CDC5L: variants seen among roughly 807,000 people sequenced by gnomAD.
CDC5L encodes the protein cell division cycle 5 like, also known as cell division cycle 5-like protein.
A neutral mutation model predicts 104.1 loss-of-function variants in CDC5L; 18 were observed. The ratio of observed to expected loss-of-function variants is 0.17; its 90% confidence interval spans 0.12 to 0.26. CDC5L has a LOEUF of 0.26. Ranked by LOEUF, CDC5L falls within the 10% of genes least tolerant of loss-of-function variation. CDC5L has a pLI of 1.00. For synonymous variants in CDC5L, 331 were observed against 322.7 expected, an observed-to-expected ratio of 1.03 and a Z score of -0.28; for missense variants, 673 against 956.9, an observed-to-expected ratio of 0.70 and a Z score of 3.91.
chr6:44,392,600 C>T, intron 2 of CDC5L, 67 bp from the exon 3 acceptor site: 1 of 1,367,364 alleles, frequency 7.3e-7, no homozygotes, highest in Non-Finnish European at 1.0e-6. Flanking sequence ...GTCAGTGTAT[C>T]CATTGTGCAA....
chr6:44,409,650 G>C (rs1316891541), intron 8 of CDC5L, among the ~76,000 whole-genome samples: 24 of 152,148 alleles, frequency 1.6e-4, no homozygotes. Context: ...GACTACGCTG[G>C]CTGTGTCTGT....
chr6:44,433,874 A>G (rs1202605909), intron 14 of CDC5L, among the ~76,000 whole-genome samples: 1 of 152,154 alleles, frequency 6.6e-6, no homozygotes, highest in Admixed American at 6.6e-5. Context: ...ACAGGAAAAA[A>G]TTTCCTTAAT....
At chr6:44,406,940 A>C (rs76913726) in intron 7 of CDC5L, among the ~76,000 whole-genome samples, 3,646 of 152,212 alleles carry the variant, frequency 0.024, 65 homozygotes, top group Middle Eastern at 0.037. Flanking sequence ...ACAAAAAAAA[A>C]CAAAAAAAAC....
chr6:44,446,750 C>A lies in CDC5L; in HGVS notation c.*39C>A. On this transcript the variant is annotated 3_prime_UTR_variant, in exon 16 of 16. Coordinates refer to ENST00000371477, the MANE Select transcript of CDC5L (RefSeq NM_001253.4). Reference sequence around the variant, plus strand: ...TTCTGTCACAGGATTAATTAATTGCCGGTTTTCATACTCTAGAAGGCTGAA... The same window carrying A: ...TTCTGTCACAGGATTAATTAATTGCAGGTTTTCATACTCTAGAAGGCTGAA... 1.0e-6 allele frequency: 1 copy of A among 998,976 alleles called. No homozygotes were observed. The highest frequency in any genetic ancestry group is 1.5e-6 in the Non-Finnish European group (1 of 653,778). The allele number at this position is 998,976 out of a possible 1,614,324, so 61.9% of individuals were successfully genotyped here. A position where few individuals can be genotyped will look rare whatever the true frequency, so the allele number is the denominator to read the frequency against.
intron 1 of CDC5L, among the ~76,000 whole-genome samples, chr6:44,388,604 A>C (rs1376988603): frequency 1.3e-5 from 2 of 151,044 alleles, no homozygotes; most frequent in African/African-American, 4.9e-5. Flanking sequence ...AGTGTACCGA[A>C]TTTATCAGTT....
At chr6:44,388,038 A>G (rs1203812600) in intron 1 of CDC5L, among the ~76,000 whole-genome samples, 170 bp downstream of exon 1, 3 of 151,968 alleles carry the variant, frequency 2.0e-5, no homozygotes, top group Non-Finnish European at 4.4e-5. Context: ...GTGTTGTGCG[A>G]GCGCCAGTAG....
intron 4 of CDC5L, among the ~76,000 whole-genome samples, chr6:44,395,231 TGTATTACATATTTCAAA>T (rs1790816884): frequency 6.6e-6 from 1 of 152,248 alleles, no homozygotes; most frequent in South Asian, 2.1e-4. Flanking sequence ...TTAGCAACAG[TGTATTACATATTTCAAA>T]GTAGCTGGAA....
At chr6:44,426,398 CTG>C (rs1792424479) in intron 12 of CDC5L, 82 bp from the exon 13 acceptor site, 9 of 880,702 alleles carry the variant, frequency 1.0e-5, no homozygotes, top group Non-Finnish European at 1.6e-5. Context: ...TGTAAAACCG[CTG>C]TTTAATTCAT....
In CDC5L at chr6:44,406,353, C is replaced by A; in HGVS notation, c.789C>A (p.Asp263Glu). 6.2e-7 allele frequency: 1 copy of A among 1,607,050 alleles called. No homozygotes were observed. Among genetic ancestry groups the A allele is most frequent in the Non-Finnish European group, 8.5e-7 (1 of 1,175,068 alleles). Residue 263 changes from aspartate (D) to glutamate (E), a missense_variant, in exon 7 of 16, where the codon GAC becomes GAA. Physicochemically the swap from Asp to Glu is conservative, Grantham distance 45 (BLOSUM62 2). This residue lies in a region of CDC5L where 578 missense variants were observed against 737.0 expected (regional missense o/e 0.78). Coordinates refer to ENST00000371477, the MANE Select transcript of CDC5L (RefSeq NM_001253.4). ...AAGAAGGAAGAGATAGAAAAAAAGA[C>A]AAACAGCATTTGAAAAGGAAAAAAG... ...SEKEGRDRKK[D>E]KQHLKRKKES...
At chr6:44,441,099 A>G (rs560254760) in intron 14 of CDC5L, among the ~76,000 whole-genome samples, 84 of 152,322 alleles carry the variant, frequency 5.5e-4, no homozygotes, top group Non-Finnish European at 1.0e-3. Context: ...TCTTCCGTCT[A>G]ACTGAAACTT....
intron 14 of CDC5L, among the ~76,000 whole-genome samples, chr6:44,437,874 G>A (rs895199607): frequency 6.6e-6 from 1 of 152,238 alleles, no homozygotes; most frequent in African/African-American, 2.4e-5. Flanking sequence ...ATTCTTTGCT[G>A]TTAAGGTTTT....
At position 44,398,278 on chromosome 6, in the gene CDC5L, G is replaced by C. The variant is rs192054123; in HGVS notation, c.539+1838G>C. Among the ~76,000 whole-genome samples, 618 of 152,206 alleles carry C rather than the reference G, an allele frequency of 4.1e-3. 2 individuals carry two copies. Among genetic ancestry groups the C allele is most frequent in the Non-Finnish European group, 7.3e-3 (497 of 67,994 alleles). ...CTTCAGAGTTAAGTACTGTGAGTAA[G>C]GTTGAAAAAAAATCACTTTTCCATT... On this transcript the variant is annotated intron_variant, in intron 5 of 15. Transcript: ENST00000371477.
intron 14 of CDC5L, among the ~76,000 whole-genome samples, chr6:44,436,223 C>G (rs972687577): frequency 6.6e-6 from 1 of 152,130 alleles, no homozygotes; most frequent in South Asian, 2.1e-4. Flanking sequence ...TTAGAGTTAC[C>G]TAAATTGGAT....
intron 14 of CDC5L, among the ~76,000 whole-genome samples, chr6:44,431,689 C>A (rs767762054): frequency 3.9e-5 from 6 of 152,100 alleles, no homozygotes; most frequent in Admixed American, 6.5e-5. Context: ...AAATGTGTCA[C>A]ACAGTGAGTG....
chr6:44,401,679 G>A (rs1356698420), intron 5 of CDC5L, among the ~76,000 whole-genome samples: 1 of 151,350 alleles, frequency 6.6e-6, no homozygotes, highest in Non-Finnish European at 1.5e-5. Flanking sequence ...TATACTTTAA[G>A]TTTTAGGGTA....
chr6:44,388,845 T>C (rs1309453121), intron 1 of CDC5L, among the ~76,000 whole-genome samples: 4 of 152,234 alleles, frequency 2.6e-5, no homozygotes, highest in Non-Finnish European at 1.5e-5. Context: ...CTTTGTCTTT[T>C]TGTAAGCATC....
At chr6:44,399,690 T>C (rs540950763) in intron 5 of CDC5L, among the ~76,000 whole-genome samples, 1 of 152,338 alleles carries the variant, frequency 6.6e-6, no homozygotes, top group African/African-American at 2.4e-5. Context: ...GGTCTTGCTC[T>C]GTTGCCAGGC....
At chr6:44,413,142 C>T (rs1019657664) in intron 8 of CDC5L, among the ~76,000 whole-genome samples, 1 of 152,188 alleles carries the variant, frequency 6.6e-6, no homozygotes, top group East Asian at 1.9e-4. Context: ...AGTTATTCCC[C>T]ATTCCCCTCA....
chr6:44,404,701 AT>A (rs550683750), intron 6 of CDC5L, among the ~76,000 whole-genome samples: 15 of 148,538 alleles, frequency 1.0e-4, no homozygotes, highest in African/African-American at 2.5e-4. Context: ...TTAAAAAACA[AT>A]TTTTTTTTTT....
Sources: gnomAD v4.1 joint callset for allele counts (sites outside exome capture counted in the v4.1 genomes callset) on GRCh38, gnomAD v4.1.1 for gene constraint, gnomAD v4.1.1 regional missense constraint, MANE v1.5 for transcripts, NCBI Gene and HGNC (gene_info 2026-07-23, HGNC 2026-07-21) for gene names.